The following VRK2 variants were observed in gnomAD, a reference collection of about 807,000 sequenced individuals.
VRK2 encodes the protein serine/threonine-protein kinase VRK2.
VRK2 carries 60 observed loss-of-function variants against 57.6 expected under a neutral mutation model. The ratio of observed to expected loss-of-function variants is 1.04; its 90% CI spans 0.85 to 1.29. VRK2 has a LOEUF of 1.29. VRK2 is among the 50% of genes most tolerant of loss of function. The probability of loss-of-function intolerance (pLI) is 0.00; values close to 1 mark genes in which losing one functional copy is unlikely to be tolerated. For synonymous variants in VRK2, 231 were observed against 199.2 expected, an observed-to-expected ratio of 1.16 and a Z score of -1.35; for missense variants, 705 against 588.1, an observed-to-expected ratio of 1.20 and a Z score of -2.06.
At chr2:58,003,082 G>A (rs1452746517) in intron 1 of VRK2, among the ~76,000 whole-genome samples, 1 of 152,040 alleles carries the variant, frequency 6.6e-6, no homozygotes. Context: ...TTCTCAAAAA[G>A]TAAAATTTCC....
At chr2:57,966,268 T>G (rs1188918470) in intron 1 of VRK2, among the ~76,000 whole-genome samples, 1 of 152,214 alleles carries the variant, frequency 6.6e-6, no homozygotes, top group African/African-American at 2.4e-5. Context: ...TGGGTTGGGT[T>G]GCAGCTGAGG....
At chr2:58,115,840 T>C (rs1191506599) in intron 7 of VRK2, among the ~76,000 whole-genome samples, 1 of 152,078 alleles carries the variant, frequency 6.6e-6, no homozygotes, top group Non-Finnish European at 1.5e-5. Flanking sequence ...TCAGGGTCAG[T>C]CTAAGTGAAG....
upstream of VRK2, chr2:58,046,484 T>G: frequency 1.0e-6 from 1 of 985,246 alleles, no homozygotes; most frequent in Non-Finnish European, 1.2e-6. Context: ...ACAGGAGATC[T>G]AACACTCCTA....
At chr2:57,914,282 GA>G (rs1160117159) in intron 1 of VRK2, among the ~76,000 whole-genome samples, 1 of 148,908 alleles carries the variant, frequency 6.7e-6, no homozygotes, top group African/African-American at 2.5e-5. Flanking sequence ...TTCCTTATCA[GA>G]AAAAATGGAA....
At chr2:57,990,467 T>C (rs1476554288) in intron 1 of VRK2, among the ~76,000 whole-genome samples, 4 of 152,222 alleles carry the variant, frequency 2.6e-5, no homozygotes, top group African/African-American at 7.2e-5. Context: ...GTCCAGATGA[T>C]AGGACCAGAT....
intron 1 of VRK2, among the ~76,000 whole-genome samples, chr2:57,918,819 T>A (rs547195523): frequency 3.3e-5 from 5 of 152,140 alleles, no homozygotes; most frequent in Non-Finnish European, 7.4e-5. Flanking sequence ...GTGTGCTCAA[T>A]TGAAATTCCA....
At chr2:58,081,295 T>G (rs1259950167) in intron 2 of VRK2, among the ~76,000 whole-genome samples, 1 of 151,946 alleles carries the variant, frequency 6.6e-6, no homozygotes, top group Non-Finnish European at 1.5e-5. Context: ...AAAAACTGTG[T>G]CATAACTGTG....
intron 7 of VRK2, among the ~76,000 whole-genome samples, chr2:58,115,038 G>A (rs1193987503): frequency 6.6e-6 from 1 of 152,112 alleles, no homozygotes; most frequent in Non-Finnish European, 1.5e-5. Flanking sequence ...GGAACACTGA[G>A]AAGTTATTTC....
chr2:58,144,695 G>C (rs1442796876), intron 11 of VRK2, among the ~76,000 whole-genome samples: 1 of 151,996 alleles, frequency 6.6e-6, no homozygotes, highest in African/African-American at 2.4e-5. Context: ...GACTTCAGCA[G>C]AAAGTGGCTC....
At chr2:58,110,586 C>T (rs1378298956) in intron 7 of VRK2, among the ~76,000 whole-genome samples, 2 of 151,894 alleles carry the variant, frequency 1.3e-5, no homozygotes, top group Non-Finnish European at 1.5e-5. Context: ...ATTTCCTTAC[C>T]TTGTTTGCCA....
intron 1 of VRK2, among the ~76,000 whole-genome samples, chr2:57,959,414 T>C (rs1671686357): frequency 1.3e-5 from 2 of 152,208 alleles, no homozygotes; most frequent in African/African-American, 4.8e-5. Context: ...TTTAGGATTC[T>C]AAATCACATA....
chr2:58,097,556 TTTAAAA>T (rs1306758753), intron 7 of VRK2, among the ~76,000 whole-genome samples: 1 of 152,132 alleles, frequency 6.6e-6, no homozygotes, highest in African/African-American at 2.4e-5. Flanking sequence ...AAAATTAAAA[TTTAAAA>T]TTAAATTATA....
chr2:58,139,333 T>C (rs1680992046), intron 10 of VRK2, among the ~76,000 whole-genome samples: 1 of 152,136 alleles, frequency 6.6e-6, no homozygotes, highest in Admixed American at 6.6e-5. Context: ...TCAGTTGTAT[T>C]ATTTATGTAG....
In VRK2 at chr2:58,139,848, C is replaced by A. The variant is rs1301340316; in HGVS notation, c.1023+16C>A. 1.3e-6 allele frequency: 2 copies of A among 1,591,666 alleles called. No individual in the cohort carries two copies. Among genetic ancestry groups the A allele is most frequent in the Non-Finnish European group, 8.6e-7 (1 of 1,167,994 alleles). ...CAGTCAAAAAGTAAGTAACATAATC[C>A]CTGCTATCCTATGATTACCTTCTAT... On this transcript the variant is annotated intron_variant, in intron 11 of 12. Coordinates refer to ENST00000340157, the MANE Select transcript of VRK2 (RefSeq NM_006296.7).
intron 1 of VRK2, among the ~76,000 whole-genome samples, chr2:57,938,675 C>A (rs989349084): frequency 6.6e-6 from 1 of 151,886 alleles, no homozygotes; most frequent in African/African-American, 2.4e-5. Flanking sequence ...CTGGAAAAGG[C>A]CTCTATGAAA....
chr2:58,028,585 A>G (rs1442472313), intron 2 of VRK2, among the ~76,000 whole-genome samples: 2 of 152,012 alleles, frequency 1.3e-5, no homozygotes, highest in South Asian at 2.1e-4. Flanking sequence ...TGTTCTTTGT[A>G]GGGACATGGA....
intron 1 of VRK2, chr2:58,047,387 G>A (rs1429818246): frequency 1.0e-6 from 1 of 984,408 alleles, no homozygotes; most frequent in Non-Finnish European, 1.2e-6. Context: ...GTACCCAGAA[G>A]CCGAAGGGAC....
chr2:58,136,847 TATC>T (rs1368987158), intron 10 of VRK2, among the ~76,000 whole-genome samples: 1,390 of 136,210 alleles, frequency 0.01, 35 homozygotes, highest in African/African-American at 0.038. Context: ...ATATATATTA[TATC>T]ATATATATGT....
intron 2 of VRK2, among the ~76,000 whole-genome samples, chr2:58,054,347 CACTGGACCTGTT>C (rs922733734): frequency 1.3e-5 from 2 of 151,576 alleles, no homozygotes; most frequent in African/African-American, 4.8e-5. Flanking sequence ...ATGTCTCTTC[CACTGGACCTGTT>C]ACTATCTTGT....
Sources: allele counts gnomAD v4.1 joint callset (sites outside exome capture counted in the v4.1 genomes callset), GRCh38; gene constraint gnomAD v4.1.1; transcripts MANE v1.5; gene names NCBI Gene and HGNC (gene_info 2026-07-23, HGNC 2026-07-21).